STOX2: variants seen among roughly 807,000 people sequenced by gnomAD.
The protein encoded by STOX2 is storkhead-box protein 2.
STOX2 carries 28 observed loss-of-function variants against 60.9 expected under a neutral mutation model. The observed-to-expected ratio is 0.46, with a 90% confidence interval of 0.34 to 0.63. The LOEUF is 0.63. STOX2 is among the 30% of genes least tolerant of loss of function. The pLI is 0.01. For missense variants in STOX2, 1,024 were observed against 1,187.7 expected (o/e 0.86, Z 2.03); for synonymous variants, 472 against 463.9 (o/e 1.02, Z -0.22).
chr4:184,007,461 C>G (rs1440795036), intron 2 of STOX2, among the ~76,000 whole-genome samples: 2 of 152,230 alleles, frequency 1.3e-5, no homozygotes, highest in Non-Finnish European at 1.5e-5. Context: ...ATTGAGCACT[C>G]TCTGTGTGCC....
chr4:184,014,984 G>A (rs1464485212), intron 3 of STOX2: 1 of 152,096 alleles, frequency 6.6e-6, no homozygotes, highest in African/African-American at 2.4e-5. Flanking sequence ...TACGTCATTC[G>A]TAATACATGG....
Position 184,009,761 on chromosome 4 carries a change from G to A in STOX2, c.923G>A (p.Arg308Gln), listed in dbSNP as rs766946457. 52 of 1,613,180 alleles carry A rather than the reference G, an allele frequency of 3.2e-5. No individual in the cohort carries two copies. The highest frequency in any genetic ancestry group is 4.3e-5 in the Non-Finnish European group (51 of 1,179,664). The change falls in exon 3 of 4, where the codon CGG becomes CAG. Residue 308 changes from arginine to glutamine, a missense_variant. This residue lies in a region of STOX2 where 922 missense variants were observed against 1,058.3 expected (regional missense o/e 0.87). Coordinates refer to ENST00000308497, the MANE Select transcript of STOX2 (RefSeq NM_020225.3). This position sits in a 1 kb window ranked among gnomAD's most constrained non-coding sequence, Gnocchi z 4.0. The part of the protein sequence containing the change: ...RDEDTPATIP[R>Q]EVEMEIIRRI... ...GAGGACACGCCAGCTACGATCCCTC[G>A]GGAAGTAGAGATGGAAATCATTAGG...
intron 1 of STOX2, among the ~76,000 whole-genome samples, chr4:183,807,036 G>C (rs145408267): frequency 0.025 from 3,847 of 151,938 alleles, 54 homozygotes; most frequent in Middle Eastern, 0.061. Context: ...GCAGTGGCGC[G>C]ATCTCGGCTC....
At position 184,010,268 on chromosome 4, in the gene STOX2, G is replaced by T; in HGVS notation, c.1430G>T (p.Arg477Leu). 1 of 1,577,750 alleles carries T rather than the reference G, an allele frequency of 6.3e-7. No homozygotes were observed. Among genetic ancestry groups the T allele is most frequent in the Middle Eastern group, 1.7e-4 (1 of 6,028 alleles). ...VHRSHSHTQD[R>L]RSRNERSNKA... ...CGAAGCCACAGCCATACACAGGACC[G>T]GAGGTCCAGGAATGAGAGATCCAAC... Residue 477 changes from arginine (R) to leucine (L), a missense_variant, in exon 3 of 4, where the codon CGG (arginine) becomes CTG (leucine). By Grantham distance (102) the Arg-to-Leu change is moderately radical. Transcript: ENST00000308497. The surrounding 1 kb of genome is among the most constrained non-coding windows in gnomAD (Gnocchi z 4.5).
intron 1 of STOX2, among the ~76,000 whole-genome samples, chr4:183,858,204 A>G (rs1455245974): frequency 2.0e-5 from 3 of 152,172 alleles, no homozygotes; most frequent in Non-Finnish European, 4.4e-5. Context: ...CGGATGACCT[A>G]TCCACACTTC....
At chr4:183,880,094 T>A (rs1443679447) in intron 1 of STOX2, among the ~76,000 whole-genome samples, 1 of 152,132 alleles carries the variant, frequency 6.6e-6, no homozygotes, top group Admixed American at 6.5e-5. Flanking sequence ...TTCTCCCACC[T>A]CAGCTTCCCA....
chr4:183,946,116 G>A (rs1240483903), intron 1 of STOX2, among the ~76,000 whole-genome samples: 4 of 152,138 alleles, frequency 2.6e-5, no homozygotes, highest in Admixed American at 6.5e-5. Flanking sequence ...AATACGAGAC[G>A]TCGGCTGAAT....
intron 1 of STOX2, among the ~76,000 whole-genome samples, chr4:183,945,458 G>A (rs979060919): frequency 6.6e-6 from 1 of 152,068 alleles, no homozygotes; most frequent in Non-Finnish European, 1.5e-5. Context: ...AAGTAATTTT[G>A]TTTTTAGATT....
At chr4:183,848,099 G>A (rs1469545176) in intron 1 of STOX2, among the ~76,000 whole-genome samples, 2 of 152,184 alleles carry the variant, frequency 1.3e-5, no homozygotes, top group Admixed American at 6.5e-5. Flanking sequence ...TTAGGGGACA[G>A]CGTGTGGTTG....
At chr4:184,016,496 A>G (rs1217533069) in intron 3 of STOX2, 1 of 152,228 alleles carries the variant, frequency 6.6e-6, no homozygotes, top group African/African-American at 2.4e-5. Flanking sequence ...TATCGAAAAT[A>G]TAATGTATTT....
At chr4:183,946,675 GACTGCAGTGGTATGATCTCA>G (rs372235253) in intron 1 of STOX2, among the ~76,000 whole-genome samples, 9,570 of 147,350 alleles carry the variant, frequency 0.065, 405 homozygotes, top group Middle Eastern at 0.17. Flanking sequence ...GCACAGGCTA[GACTGCAGTGGTATGATCTCA>G]ACTCACTGCA....
In STOX2 at chr4:183,807,835, GA is replaced by G. The variant is rs1440455041; in HGVS notation, c.364+9782del. On this transcript the variant is annotated intron_variant, in intron 1 of 2. Coordinates refer to the STOX2 transcript ENST00000513034. The stretch of plus-strand genomic sequence containing the variant: ...AAAAAAGGCGAGGGAGAAGATAGAG[GA>G]AGAGGAGGTGTGAGGGGAGCAGCTG... Among the ~76,000 whole-genome samples, 6 of 152,316 alleles carry G rather than the reference GA, an allele frequency of 3.9e-5. No individual in the cohort carries two copies. In the East Asian group the frequency reaches 9.7e-4, roughly 25 times the overall value.
At chr4:183,844,138 T>G (rs10033450) in intron 1 of STOX2, among the ~76,000 whole-genome samples, 3,818 of 152,298 alleles carry the variant, frequency 0.025, 170 homozygotes, top group African/African-American at 0.088. Context: ...TTCTGGAATA[T>G]AAATCTCTGA....
chr4:183,818,696 C>A (rs1476117367), intron 1 of STOX2, among the ~76,000 whole-genome samples: 1 of 151,628 alleles, frequency 6.6e-6, no homozygotes, highest in African/African-American at 2.4e-5. Flanking sequence ...CCCCCACCTC[C>A]CGGACGGGGT....
chr4:183,872,723 A>T (rs1740723101), intron 1 of STOX2, among the ~76,000 whole-genome samples: 1 of 152,170 alleles, frequency 6.6e-6, no homozygotes, highest in Non-Finnish European at 1.5e-5. Context: ...GAGTAAATAA[A>T]CAAGATAAAC....
intron 2 of STOX2, among the ~76,000 whole-genome samples, chr4:184,007,028 A>G (rs868586187): frequency 7.7e-6 from 1 of 129,794 alleles, no homozygotes. Context: ...AAAAAAAAAA[A>G]AAAACAAAAC....
chr4:184,007,357 A>G (rs1255374902), intron 2 of STOX2, among the ~76,000 whole-genome samples: 1 of 152,156 alleles, frequency 6.6e-6, no homozygotes, highest in East Asian at 1.9e-4. Context: ...CAGCTGACCC[A>G]GGTGTTCTAG....
At chr4:183,870,940 A>T (rs1740673835) in intron 1 of STOX2, among the ~76,000 whole-genome samples, 1 of 152,214 alleles carries the variant, frequency 6.6e-6, no homozygotes, top group Non-Finnish European at 1.5e-5. Context: ...ATCTTATATG[A>T]TTCTATCCTG....
chr4:183,820,062 C>T (rs113923165), intron 1 of STOX2, among the ~76,000 whole-genome samples: 2,417 of 152,230 alleles, frequency 0.016, 55 homozygotes, highest in Middle Eastern at 0.058. Flanking sequence ...GCGCTAGTCA[C>T]ACCATTAAAA....
Sources: allele counts gnomAD v4.1 joint callset (sites outside exome capture counted in the v4.1 genomes callset), GRCh38; gene constraint gnomAD v4.1.1; regional missense constraint gnomAD v4.1.1; non-coding constraint Gnocchi (gnomAD v3.1); transcripts MANE v1.5; gene names NCBI Gene and HGNC (gene_info 2026-07-23, HGNC 2026-07-21).